CLDN16: variants seen among roughly 807,000 people sequenced by gnomAD.
CLDN16 encodes claudin 16, also known as claudin-16.
Under a neutral mutation model 24.6 loss-of-function variants are expected in CLDN16, and 13 were observed. The ratio of observed to expected loss-of-function variants is 0.53; its 90% CI spans 0.34 to 0.84. CLDN16 has a LOEUF of 0.84. Ranked by LOEUF, CLDN16 falls within the 40% of genes least tolerant of loss-of-function variation. The pLI is 0.01. For missense variants in CLDN16, 298 were observed against 292.7 expected (o/e 1.02, Z -0.13); for synonymous variants, 116 against 106.7 (o/e 1.09, Z -0.54).
At chr3:190,355,888 T>G (rs1308722958) in intron 1 of CLDN16, among the ~76,000 whole-genome samples, 3 of 150,834 alleles carry the variant, frequency 2.0e-5, no homozygotes, top group Admixed American at 6.6e-5. Flanking sequence ...GTTTTTTGTT[T>G]GTTGGTTGGT....
intron 1 of CLDN16, among the ~76,000 whole-genome samples, chr3:190,324,077 C>A (rs2108618394): frequency 6.6e-6 from 1 of 152,324 alleles, no homozygotes; most frequent in Non-Finnish European, 1.5e-5. Flanking sequence ...TCAGAGAAGG[C>A]ACTGGAATTT....
chr3:190,363,556 G>GCATATATATA (rs1560088011), intron 1 of CLDN16, among the ~76,000 whole-genome samples: 1 of 87,430 alleles, frequency 1.1e-5, no homozygotes, highest in African/African-American at 4.7e-5. Context: ...GTGTGTGTGT[G>GCATATATATA]TATATATATA....
chr3:190,365,704 A>T (rs1718007574), intron 1 of CLDN16, among the ~76,000 whole-genome samples: 1 of 151,120 alleles, frequency 6.6e-6, no homozygotes, highest in African/African-American at 2.4e-5. Context: ...TTTATTTAGC[A>T]CCATTAGAAC....
upstream of CLDN16, among the ~76,000 whole-genome samples, chr3:190,387,634 A>T (rs1347111133): frequency 6.6e-6 from 1 of 152,184 alleles, no homozygotes; most frequent in Non-Finnish European, 1.5e-5. Flanking sequence ...AGCTGTCTGC[A>T]TTAAAATGCA....
intron 1 of CLDN16, among the ~76,000 whole-genome samples, chr3:190,332,126 T>C (rs1717193574): frequency 6.6e-6 from 1 of 152,216 alleles, no homozygotes; most frequent in African/African-American, 2.4e-5. Context: ...TGCCATGTAA[T>C]ATAACATATC....
upstream of CLDN16, chr3:190,322,343 C>A: frequency 2.5e-6 from 2 of 798,418 alleles, no homozygotes; most frequent in East Asian, 2.7e-5. Context: ...CTCGCTGCGC[C>A]GCCGCTGGAG....
chr3:190,300,794 C>T, the CLDN16 span, among the ~76,000 whole-genome samples: 2 of 152,226 alleles, frequency 1.3e-5, no homozygotes, highest in East Asian at 1.9e-4. Context: ...TAAACTGACA[C>T]GTTTGGTTTC....
intron 1 of CLDN16, among the ~76,000 whole-genome samples, chr3:190,323,774 G>A (rs1378671029): frequency 6.6e-6 from 1 of 152,202 alleles, no homozygotes; most frequent in Non-Finnish European, 1.5e-5. Flanking sequence ...CTCCCTGGAT[G>A]CCTTTCATGT....
intron 1 of CLDN16, among the ~76,000 whole-genome samples, chr3:190,334,668 T>A (rs994923652): frequency 5.3e-5 from 8 of 152,248 alleles, no homozygotes; most frequent in Non-Finnish European, 1.2e-4. Flanking sequence ...ATGGTAGATG[T>A]TGTTGGTAAC....
rs375704078 is a variant in CLDN16 at position 190,411,143 on chromosome 3, C to T, written c.*1107C>T. ...GGGCGTGGTGGCGGTGCCTGTAGTC[C>T]CAGCTACTCGGGAGGCTGAGGCAGG... On this transcript the variant is annotated 3_prime_UTR_variant, in exon 5 of 5. Coordinates refer to ENST00000264734, the MANE Select transcript of CLDN16 (RefSeq NM_006580.4). The T allele has an allele frequency of 6.6e-6, 1 of 152,132 alleles. No homozygotes were observed. The highest frequency in any genetic ancestry group is 2.4e-5 in the African/African-American group (1 of 41,382). The allele number at this position is 152,132 out of a possible 1,614,324, so 9.4% of individuals were successfully genotyped here.
chr3:190,303,897 A>AC, the CLDN16 span, among the ~76,000 whole-genome samples: 102,262 of 151,992 alleles, frequency 0.67, 35,668 homozygotes, highest in African/African-American at 0.87. Context: ...CAAAACACAA[A>AC]AAAAAGCCCC....
At chr3:190,300,980 T>C in the CLDN16 span, among the ~76,000 whole-genome samples, 1 of 152,158 alleles carries the variant, frequency 6.6e-6, no homozygotes, top group African/African-American at 2.4e-5. Context: ...AAAAATAAAT[T>C]TGGTTTCTGC....
chr3:190,403,340 A>G (rs1197614829), intron 2 of CLDN16, among the ~76,000 whole-genome samples: 2 of 152,204 alleles, frequency 1.3e-5, no homozygotes, highest in Non-Finnish European at 2.9e-5. Context: ...TCAAAAATAA[A>G]ATAATAAATA....
chr3:190,338,367 G>A (rs57412723), intron 1 of CLDN16, among the ~76,000 whole-genome samples: 4 of 152,178 alleles, frequency 2.6e-5, no homozygotes, highest in Admixed American at 6.5e-5. Context: ...TGAATGTGTA[G>A]TGGCGTATTT....
intron 1 of CLDN16, among the ~76,000 whole-genome samples, chr3:190,327,883 A>G (rs1430307872): frequency 6.6e-6 from 1 of 152,236 alleles, no homozygotes; most frequent in Non-Finnish European, 1.5e-5. Flanking sequence ...GGCACTAGGA[A>G]CACTTTAGTG....
chr3:190,372,475 C>T (rs1348719856), intron 2 of CLDN16, among the ~76,000 whole-genome samples: 2 of 140,570 alleles, frequency 1.4e-5, no homozygotes, highest in African/African-American at 2.5e-5. Flanking sequence ...AGACCCCCTT[C>T]CCCCCCAAAA....
the CLDN16 span, among the ~76,000 whole-genome samples, chr3:190,299,957 A>G: frequency 2.0e-5 from 3 of 152,240 alleles, no homozygotes; most frequent in Non-Finnish European, 2.9e-5. Flanking sequence ...AACGGAAGCC[A>G]TACACTAAGA....
At chr3:190,322,061 C>A (rs1374844180), upstream of CLDN16, 5 of 1,614,174 alleles carry the variant, frequency 3.1e-6, no homozygotes, top group Non-Finnish European at 4.2e-6. Flanking sequence ...CATCCACAGC[C>A]CCTCGTACAT....
chr3:190,398,956 A>C (rs554894922), intron 1 of CLDN16, among the ~76,000 whole-genome samples: 36 of 152,214 alleles, frequency 2.4e-4, no homozygotes, highest in Admixed American at 1.4e-3. Flanking sequence ...TTAGAAATTT[A>C]TATGTTGAAT....
Sources: allele counts gnomAD v4.1 joint callset (sites outside exome capture counted in the v4.1 genomes callset), GRCh38; gene constraint gnomAD v4.1.1; transcripts MANE v1.5; gene names NCBI Gene and HGNC (gene_info 2026-07-23, HGNC 2026-07-21).